NUP107: variants seen among roughly 807,000 people sequenced by gnomAD.
NUP107 encodes nucleoporin 107, also known as nuclear pore complex protein Nup107.
NUP107 carries 101 observed loss-of-function variants against 141.0 expected under a neutral mutation model. That is an observed-to-expected ratio of 0.72 (90% confidence interval 0.61 to 0.84). NUP107 has a LOEUF of 0.84. Among genes scored for constraint, NUP107 ranks in the 40% least tolerant of loss-of-function variants. The probability of loss-of-function intolerance (pLI) is 0.00; values close to 1 mark genes in which losing one functional copy is unlikely to be tolerated. For missense variants in NUP107, 941 were observed against 1,102.7 expected (o/e 0.85, Z 2.08); for synonymous variants, 319 against 363.9 (o/e 0.88, Z 1.41).
chr12:68,731,586 TCGC>T lies in NUP107; in HGVS notation c.1886-20_1886-18del. 1 of 1,418,722 alleles carries T rather than the reference TCGC, an allele frequency of 7.0e-7. No individual in the cohort carries two copies. The highest frequency in any genetic ancestry group is 1.5e-5 in the African/African-American group (1 of 68,306). The allele number at this position is 1,418,722 out of a possible 1,614,324, so 87.9% of individuals were successfully genotyped here. The stretch of plus-strand genomic sequence containing the variant: ...ATCAATGATTAATCTTTGTTTTTTG[TCGC>T]TTCAAAAAATTATTTAGATTTGGAT... On this transcript the variant is annotated intron_variant, in intron 21 of 27. Coordinates refer to ENST00000229179, the MANE Select transcript of NUP107 (RefSeq NM_020401.4).
Position 68,721,835 on chromosome 12 carries a change from A to G in NUP107, c.1312-6A>G, listed in dbSNP as rs756853351. On this transcript the variant is annotated splice_region_variant and splice_polypyrimidine_tract_variant and intron_variant, in intron 15 of 27. Coordinates refer to ENST00000229179, the MANE Select transcript of NUP107 (RefSeq NM_020401.4). ...TATATGTTTCTGTTTTGTAATGGGG[A>G]AAAAGCTGCTTCCTGTCTGTGACAC... 3 of 1,609,318 alleles carry G rather than the reference A, an allele frequency of 1.9e-6. No homozygotes were observed. Among genetic ancestry groups the G allele is most frequent in the African/African-American group, 1.3e-5 (1 of 74,740 alleles).
In NUP107 at chr12:68,689,400, T is replaced by C. The variant is rs971005239; in HGVS notation, c.101-133T>C. On this transcript the variant is annotated intron_variant, in intron 2 of 27. Transcript: ENST00000229179. ...AGCAATGAATTATTTACCCTTTGCA[T>C]TGAAAAATGGTAGCCCTAAAATACT... 5 of 600,296 alleles carry C rather than the reference T, an allele frequency of 8.3e-6. No homozygotes were observed. In the East Asian group the frequency reaches 8.7e-5, roughly 10 times the overall value. 37.2% of individuals were successfully genotyped at this position (600,296 alleles called of 1,614,324 possible). A position where few individuals can be genotyped will look rare whatever the true frequency, so the allele number is the denominator to read the frequency against.
At chr12:68,712,428 A>G (rs1057139426) in intron 10 of NUP107, among the ~76,000 whole-genome samples, 2 of 150,500 alleles carry the variant, frequency 1.3e-5, no homozygotes, top group Non-Finnish European at 3.0e-5. Flanking sequence ...CAAAAAAAAA[A>G]AAAAAAAAAA....
At chr12:68,722,990 G>A (rs1240182982) in intron 17 of NUP107, among the ~76,000 whole-genome samples, 1 of 152,104 alleles carries the variant, frequency 6.6e-6, no homozygotes, top group Non-Finnish European at 1.5e-5. Context: ...ATAAGTATAT[G>A]CTTTATACAT....
rs767610366 is a variant in NUP107, at chr12:68,733,440, CTT to C, written c.2102-7_2102-6del. 9 of 1,603,926 alleles carry C rather than the reference CTT, an allele frequency of 5.6e-6. 1 individual carries two copies. The South Asian group carries it at 1.0e-4, about 18-fold the overall frequency. ...TCCGTAGGCATTCAAAATTGTGTAT[CTT>C]TTTTCACAGCATCAAAAAAGCACGA... On this transcript the variant is annotated splice_polypyrimidine_tract_variant and intron_variant, in intron 23 of 27. Transcript: ENST00000229179.
chr12:68,742,674 TTC>T lies in NUP107; in HGVS notation c.*214_*215del, dbSNP rs1878370509. 1 of 254,694 alleles carries T rather than the reference TTC, an allele frequency of 3.9e-6. No homozygotes were observed. The highest frequency in any genetic ancestry group is 5.3e-5 in the Admixed American group (1 of 18,710). 15.8% of individuals were successfully genotyped at this position (254,694 alleles called of 1,614,324 possible). A position where few individuals can be genotyped will look rare whatever the true frequency, so the allele number is the denominator to read the frequency against. On this transcript the variant is annotated 3_prime_UTR_variant, in exon 28 of 28. Coordinates refer to ENST00000229179, the MANE Select transcript of NUP107 (RefSeq NM_020401.4). The stretch of plus-strand genomic sequence containing the variant: ...ATAAAACTATATAAAAATTAAAATT[TTC>T]TGTTTTTACAAATTCCAGGGTTGTC...
At position 68,689,581 on chromosome 12, in the gene NUP107, A is replaced by G; in HGVS notation, c.149A>G (p.Gln50Arg). ...TTTGGTAATACTACACCAAGAAACC[A>G]GGTTATCCCTCGAACTCCTAGCTCA... ...ENFGNTTPRNQVIPRTPSSFR... is the reference protein window; with the variant it reads ...ENFGNTTPRNRVIPRTPSSFR... The change falls in exon 3 of 28, where the codon CAG becomes CGG. Residue 50 changes from glutamine (Q) to arginine (R), a missense_variant. Coordinates refer to ENST00000229179, the MANE Select transcript of NUP107 (RefSeq NM_020401.4). The G allele has an allele frequency of 1.2e-6, 2 of 1,613,204 alleles. No homozygotes were observed. Among genetic ancestry groups the G allele is most frequent in the Non-Finnish European group, 1.7e-6 (2 of 1,179,668 alleles).
At chr12:68,702,893 G>A (rs1214074933) in intron 8 of NUP107, 109 bp downstream of exon 8, 2 of 549,332 alleles carry the variant, frequency 3.6e-6, no homozygotes, top group African/African-American at 2.0e-5. Context: ...GCCCAGGCTG[G>A]AGGGCAATGG....
At chr12:68,732,144 T>G (rs867145077) in intron 22 of NUP107, among the ~76,000 whole-genome samples, 1 of 152,242 alleles carries the variant, frequency 6.6e-6, no homozygotes, top group Non-Finnish European at 1.5e-5. Context: ...TTTTTATTTT[T>G]ATTTTCTTGA....
chr12:68,687,541 TC>T, intron 1 of NUP107: 1 of 991,360 alleles, frequency 1.0e-6, no homozygotes, highest in Non-Finnish European at 1.2e-6. Flanking sequence ...TCAAGATCCT[TC>T]CCCTCGGGGA....
chr12:68,728,213 C>T (rs1009706009), intron 20 of NUP107, among the ~76,000 whole-genome samples: 2 of 149,018 alleles, frequency 1.3e-5, no homozygotes, highest in African/African-American at 5.0e-5. Context: ...CGAGTGAGCC[C>T]AGGAGTTGGA....
chr12:68,691,119 T>G (rs781718320), intron 4 of NUP107, among the ~76,000 whole-genome samples: 2 of 152,210 alleles, frequency 1.3e-5, no homozygotes, highest in Non-Finnish European at 2.9e-5. Context: ...TAACAAATAT[T>G]GAGTCAGAAT....
At chr12:68,697,010 GGA>G in intron 6 of NUP107, 88 bp downstream of exon 6, 1 of 754,418 alleles carries the variant, frequency 1.3e-6, no homozygotes, top group Non-Finnish European at 2.2e-6. Flanking sequence ...AGTGTTTAAG[GGA>G]GGTGTCTTAG....
Position 68,733,599 on chromosome 12 carries a change from T to C in NUP107, c.2249T>C (p.Ile750Thr), listed in dbSNP as rs1877938394. The C allele has an allele frequency of 6.2e-7, 1 of 1,611,052 alleles. No homozygotes were observed. The stretch of plus-strand genomic sequence containing the variant: ...AATGCTATCCGAGAACATTTGTGCA[T>C]CAGAGCTTATTTGGTGAGACTGTAA... ...DDNAIREHLC[I>T]RAYLEAHETF... Residue 750 changes from isoleucine to threonine, a missense_variant, in exon 24 of 28, where the codon ATC (isoleucine) becomes ACC (threonine). Transcript: ENST00000229179.
At position 68,719,511 on chromosome 12, in the gene NUP107, C is replaced by T; in HGVS notation, c.1175-67C>T. 5 of 1,555,266 alleles carry T rather than the reference C, an allele frequency of 3.2e-6. No homozygotes were observed. The South Asian group carries it at 5.7e-5, about 18-fold the overall frequency. On this transcript the variant is annotated intron_variant, in intron 13 of 27. Coordinates refer to ENST00000229179, the MANE Select transcript of NUP107 (RefSeq NM_020401.4). Reference sequence around the variant, plus strand: ...TGCCAATCTTTGTGAACTATAGCTTCTCTTTTTAGAAAGAATTGTAATAAG... The same window carrying T: ...TGCCAATCTTTGTGAACTATAGCTTTTCTTTTTAGAAAGAATTGTAATAAG...
At chr12:68,694,147 A>G (rs777429288) in intron 5 of NUP107, among the ~76,000 whole-genome samples, 5 of 152,190 alleles carry the variant, frequency 3.3e-5, no homozygotes, top group Non-Finnish European at 5.9e-5. Context: ...GGTAACTACT[A>G]CTTTCTTGTA....
chr12:68,711,134 C>T lies in NUP107; in HGVS notation c.890+1041C>T, dbSNP rs540020201. Among the ~76,000 whole-genome samples the T allele has an allele frequency of 6.0e-5, 9 of 149,978 alleles. No homozygotes were observed. In the East Asian group the frequency reaches 1.8e-3, roughly 29 times the overall value. ...GCCAGGCGTGGTGGCGGGCGGATCACGAAGTCAGGAGATCAAGACCATCCT... is the reference window on the plus strand; with the variant it reads ...GCCAGGCGTGGTGGCGGGCGGATCATGAAGTCAGGAGATCAAGACCATCCT... On this transcript the variant is annotated intron_variant, in intron 10 of 27. Coordinates refer to ENST00000229179, the MANE Select transcript of NUP107 (RefSeq NM_020401.4).
At chr12:68,721,226 A>G in intron 15 of NUP107, 49 bp downstream of exon 15, 1 of 1,215,410 alleles carries the variant, frequency 8.2e-7, no homozygotes, top group Non-Finnish European at 1.2e-6. Flanking sequence ...AGTAAAATTA[A>G]ATAAAATATT....
In NUP107 at chr12:68,692,373, G is replaced by A. The variant is rs144233764; in HGVS notation, c.448+261G>A. On this transcript the variant is annotated intron_variant, in intron 5 of 27. Transcript: ENST00000229179. ...AGGCGGGCAGATCACGAGGTCAGGA[G>A]TTCAAGACCAGCCTGGCCAACATGG... Among the ~76,000 whole-genome samples, 1,219 of 151,996 alleles carry A rather than the reference G, an allele frequency of 8.0e-3. 13 individuals are homozygous for A. The highest frequency in any genetic ancestry group is 0.012 in the Non-Finnish European group (843 of 67,940).
Sources: allele counts gnomAD v4.1 joint callset (sites outside exome capture counted in the v4.1 genomes callset), GRCh38; gene constraint gnomAD v4.1.1; transcripts MANE v1.5; gene names NCBI Gene and HGNC (gene_info 2026-07-23, HGNC 2026-07-21).